Variants in SPAG16 observed in about 807,000 individuals in gnomAD.
The protein encoded by SPAG16 is sperm associated antigen 16, also known as sperm-associated antigen 16 protein.
A neutral mutation model predicts 80.4 loss-of-function variants in SPAG16; 86 were observed. The ratio of observed to expected loss-of-function variants is 1.07; its 90% CI spans 0.90 to 1.28. SPAG16 has a LOEUF of 1.28. Among genes scored for constraint, SPAG16 ranks in the 50% most tolerant of loss-of-function variants. The pLI, the probability that SPAG16 is intolerant of heterozygous loss-of-function variation, is 0.00. For missense variants in SPAG16, 870 were observed against 765.3 expected (o/e 1.14, Z -1.61); for synonymous variants, 294 against 265.9 (o/e 1.11, Z -1.03).
chr2:213,907,229 G>A (rs1350365893), intron 11 of SPAG16, among the ~76,000 whole-genome samples: 1 of 152,070 alleles, frequency 6.6e-6, no homozygotes, highest in African/African-American at 2.4e-5. Flanking sequence ...GATATAAATA[G>A]ACATATTTTA....
intron 5 of SPAG16, among the ~76,000 whole-genome samples, chr2:213,319,970 T>G (rs1425771061): frequency 6.6e-6 from 1 of 151,992 alleles, no homozygotes; most frequent in Non-Finnish European, 1.5e-5. Flanking sequence ...CAATAGAACT[T>G]AAAATCTAAA....
At chr2:214,407,777 C>A (rs1032427408) in intron 15 of SPAG16, among the ~76,000 whole-genome samples, 2 of 152,060 alleles carry the variant, frequency 1.3e-5, no homozygotes, top group Non-Finnish European at 2.9e-5. Flanking sequence ...AATTGACACA[C>A]CCTGGTAAGT....
chr2:214,088,855 C>A (rs1237695854), intron 13 of SPAG16, among the ~76,000 whole-genome samples: 2 of 151,880 alleles, frequency 1.3e-5, no homozygotes, highest in African/African-American at 4.8e-5. Context: ...ATAGCCTGCT[C>A]ACTGTATAAA....
intron 11 of SPAG16, among the ~76,000 whole-genome samples, chr2:213,921,365 T>G (rs113700464): frequency 0.03 from 4,553 of 152,254 alleles, 89 homozygotes; most frequent in African/African-American, 0.052. Flanking sequence ...TTGTTGTTGT[T>G]GTGGTGGTGG....
chr2:214,294,498 T>C (rs1168203642), intron 15 of SPAG16, among the ~76,000 whole-genome samples: 1 of 152,218 alleles, frequency 6.6e-6, no homozygotes, highest in African/African-American at 2.4e-5. Context: ...AATAGCTGCA[T>C]CTAGTCAACC....
intron 10 of SPAG16, among the ~76,000 whole-genome samples, chr2:213,661,752 T>C (rs1377395638): frequency 6.6e-6 from 1 of 152,216 alleles, no homozygotes; most frequent in African/African-American, 2.4e-5. Context: ...TTATTGTTTT[T>C]CCCTGAAAGA....
chr2:213,490,109 T>C lies in SPAG16; in HGVS notation c.1070+19T>C. ...TGAGCTGGTAGGATTTTTGATGTTTTATTAATACTTTTGAGATTTTATTTT... is the reference window on the plus strand; with the variant it reads ...TGAGCTGGTAGGATTTTTGATGTTTCATTAATACTTTTGAGATTTTATTTT... On this transcript the variant is annotated intron_variant, in intron 10 of 15. Transcript: ENST00000331683. 6.4e-7 allele frequency: 1 copy of C among 1,556,810 alleles called. No individual in the cohort carries two copies. Among genetic ancestry groups the C allele is most frequent in the Non-Finnish European group, 8.6e-7 (1 of 1,156,462 alleles).
intron 12 of SPAG16, among the ~76,000 whole-genome samples, chr2:213,963,904 A>G (rs908427417): frequency 1.3e-5 from 2 of 152,136 alleles, no homozygotes; most frequent in East Asian, 1.9e-4. Context: ...TTTTCAATCT[A>G]TTTGTATCTT....
intron 3 of SPAG16, among the ~76,000 whole-genome samples, chr2:213,301,923 CTG>C (rs1451620115): frequency 1.3e-5 from 2 of 152,130 alleles, no homozygotes; most frequent in African/African-American, 4.8e-5. Context: ...TCCTCATCGT[CTG>C]TAACGTTCAA....
At chr2:214,402,842 C>T (rs1261086726) in intron 15 of SPAG16, among the ~76,000 whole-genome samples, 5 of 151,628 alleles carry the variant, frequency 3.3e-5, no homozygotes, top group African/African-American at 7.3e-5. Flanking sequence ...GCCACTAGGG[C>T]GACCATGAAT....
intron 9 of SPAG16, among the ~76,000 whole-genome samples, chr2:213,406,472 T>A (rs1044214164): frequency 6.6e-6 from 1 of 152,196 alleles, no homozygotes; most frequent in African/African-American, 2.4e-5. Context: ...TATTTAACCA[T>A]ACATTAAGTT....
intron 13 of SPAG16, among the ~76,000 whole-genome samples, chr2:214,032,521 A>G (rs1336345706): frequency 6.6e-6 from 1 of 152,192 alleles, no homozygotes; most frequent in Non-Finnish European, 1.5e-5. Context: ...TGTATGAATA[A>G]CAAAGGAGCA....
intron 5 of SPAG16, among the ~76,000 whole-genome samples, chr2:213,334,794 G>T (rs555824275): frequency 1.3e-5 from 2 of 152,276 alleles, no homozygotes; most frequent in Non-Finnish European, 2.9e-5. Context: ...AAGGATGGTT[G>T]CCAGAGACTG....
chr2:213,903,215 C>T (rs914802654), intron 11 of SPAG16, among the ~76,000 whole-genome samples: 7 of 152,168 alleles, frequency 4.6e-5, no homozygotes, highest in East Asian at 1.9e-4. Flanking sequence ...GCAGTGCCCC[C>T]GTAGGGACTC....
intron 2 of SPAG16, 77 bp from the exon 3 acceptor site, chr2:213,297,185 A>C (rs903429775): frequency 3.3e-6 from 5 of 1,504,842 alleles, no homozygotes; most frequent in African/African-American, 1.4e-5. Flanking sequence ...TTGTGAAGCA[A>C]AATTATTTCT....
chr2:213,650,628 T>A (rs2062986124), intron 10 of SPAG16, among the ~76,000 whole-genome samples: 1 of 152,192 alleles, frequency 6.6e-6, no homozygotes, highest in Non-Finnish European at 1.5e-5. Flanking sequence ...ATTGTAGTCT[T>A]AATTTCTGCA....
intron 10 of SPAG16, among the ~76,000 whole-genome samples, chr2:213,798,218 T>C (rs954156823): frequency 2.6e-5 from 4 of 152,336 alleles, no homozygotes; most frequent in African/African-American, 7.2e-5. Flanking sequence ...ATCAGACTTA[T>C]GACTTGCAAA....
At chr2:213,530,827 T>G (rs1268695099) in intron 10 of SPAG16, among the ~76,000 whole-genome samples, 1 of 152,128 alleles carries the variant, frequency 6.6e-6, no homozygotes, top group Non-Finnish European at 1.5e-5. Context: ...CCATATATTT[T>G]ATTCATCTTT....
chr2:213,647,172 C>T (rs1181762879), intron 10 of SPAG16, among the ~76,000 whole-genome samples: 1 of 152,134 alleles, frequency 6.6e-6, no homozygotes, highest in Non-Finnish European at 1.5e-5. Context: ...AGATTCTACT[C>T]TTTGTATTGT....
Sources: allele counts gnomAD v4.1 joint callset (sites outside exome capture counted in the v4.1 genomes callset), GRCh38; gene constraint gnomAD v4.1.1; transcripts MANE v1.5; gene names NCBI Gene and HGNC (gene_info 2026-07-23, HGNC 2026-07-21).